Variants in NIPSNAP2 observed in about 807,000 individuals in gnomAD.
The protein encoded by NIPSNAP2 is protein NipSnap homolog 2.
Under a neutral mutation model 48.4 loss-of-function variants are expected in NIPSNAP2, and 42 were observed. The observed-to-expected ratio is 0.87, with a 90% confidence interval of 0.68 to 1.12. The LOEUF (loss-of-function observed/expected upper bound fraction) is 1.12, where lower values mean the gene tolerates loss of function less well. NIPSNAP2 is among the 50% of genes most tolerant of loss of function. The pLI, the probability that NIPSNAP2 is intolerant of heterozygous loss-of-function variation, is 0.00. For missense variants in NIPSNAP2, 314 were observed against 347.3 expected, an observed-to-expected ratio of 0.90 and a Z score of 0.76; for synonymous variants, 158 against 126.6, an observed-to-expected ratio of 1.25 and a Z score of -1.67.
At chr7:55,986,803 A>T (rs1451261412) in intron 7 of NIPSNAP2, among the ~76,000 whole-genome samples, 2 of 152,118 alleles carry the variant, frequency 1.3e-5, no homozygotes, top group Non-Finnish European at 2.9e-5. Context: ...AATTCTTACA[A>T]CTCAATAATA....
chr7:55,975,531 C>T (rs1461815206), intron 1 of NIPSNAP2, among the ~76,000 whole-genome samples: 1 of 152,078 alleles, frequency 6.6e-6, no homozygotes, highest in Non-Finnish European at 1.5e-5. Flanking sequence ...GGACAAGGAA[C>T]ACAGCAGTGG....
At chr7:55,990,891 G>T (rs577181628) in intron 7 of NIPSNAP2, among the ~76,000 whole-genome samples, 1 of 151,534 alleles carries the variant, frequency 6.6e-6, no homozygotes, top group East Asian at 1.9e-4. Flanking sequence ...GGGTTCAAGC[G>T]ATTAGCCTGC....
At chr7:55,977,370 G>A (rs537794904) in intron 1 of NIPSNAP2, among the ~76,000 whole-genome samples, 2 of 152,220 alleles carry the variant, frequency 1.3e-5, no homozygotes, top group East Asian at 1.9e-4. Flanking sequence ...CAGCTTGGGC[G>A]ATAGAGCGAG....
intron 4 of NIPSNAP2, chr7:55,981,859 G>T: frequency 2.7e-6 from 1 of 367,378 alleles, no homozygotes; most frequent in Non-Finnish European, 5.0e-6. Flanking sequence ...AGGCTGGAGT[G>T]CAGTGATGAG....
chr7:55,982,325 T>A, intron 5 of NIPSNAP2, 45 bp downstream of exon 5: 1 of 1,090,458 alleles, frequency 9.2e-7, no homozygotes, highest in Non-Finnish European at 1.4e-6. Flanking sequence ...GATATATAGA[T>A]GTTAGTACAG....
intron 3 of NIPSNAP2, chr7:55,978,893 G>A (rs372102856): frequency 6.5e-6 from 1 of 153,202 alleles, no homozygotes; most frequent in African/African-American, 2.4e-5. Context: ...AGTCCCTTCC[G>A]CTGATTCTCC....
intron 1 of NIPSNAP2, among the ~76,000 whole-genome samples, chr7:55,975,123 C>A (rs1787084082): frequency 6.6e-6 from 1 of 152,080 alleles, no homozygotes; most frequent in African/African-American, 2.4e-5. Context: ...GAGGCCAAGG[C>A]AGGAGGATCG....
intron 7 of NIPSNAP2, among the ~76,000 whole-genome samples, chr7:55,993,700 G>C (rs964081135): frequency 1.3e-5 from 2 of 151,734 alleles, no homozygotes; most frequent in Non-Finnish European, 2.9e-5. Context: ...AGATCACGCC[G>C]CTGCACTCCA....
In NIPSNAP2 at chr7:55,978,412, A is replaced by G. The variant is rs753047060; in HGVS notation, c.278+17A>G. The G allele has an allele frequency of 8.8e-6, 14 of 1,593,798 alleles. No homozygotes were observed. Among genetic ancestry groups the G allele is most frequent in the African/African-American group, 6.8e-5 (5 of 74,002 alleles). Reference sequence around the variant, plus strand: ...CAAAATTTGGTGTGTATACCAAACTATCCTTTACTTGGGGAAAAATAATGA... The same window carrying G: ...CAAAATTTGGTGTGTATACCAAACTGTCCTTTACTTGGGGAAAAATAATGA... On this transcript the variant is annotated intron_variant, in intron 3 of 9. Coordinates refer to ENST00000322090, the MANE Select transcript of NIPSNAP2 (RefSeq NM_001483.3).
At chr7:55,994,442 G>A (rs6955639) in intron 7 of NIPSNAP2, among the ~76,000 whole-genome samples, 28,166 of 152,184 alleles carry the variant, frequency 0.19, 3,118 homozygotes, top group East Asian at 0.35. Flanking sequence ...ACCAGGTGTG[G>A]TGGCTCACGC....
At chr7:55,995,978 CA>C (rs373424949) in intron 8 of NIPSNAP2, among the ~76,000 whole-genome samples, 5 of 150,122 alleles carry the variant, frequency 3.3e-5, no homozygotes, top group South Asian at 2.1e-4. Flanking sequence ...GACCCTGTCT[CA>C]AAAAAAAATG....
intron 1 of NIPSNAP2, 37 bp from the exon 2 acceptor site, chr7:55,978,089 C>G (rs775143436): frequency 5.0e-6 from 8 of 1,610,634 alleles, no homozygotes; most frequent in Non-Finnish European, 5.9e-6. Flanking sequence ...TATATGAAAA[C>G]AGTATACTGC....
At chr7:55,992,862 C>T (rs74599679) in intron 7 of NIPSNAP2, among the ~76,000 whole-genome samples, 2,385 of 152,188 alleles carry the variant, frequency 0.016, 59 homozygotes, top group African/African-American at 0.055. Context: ...TTCTGGTGAC[C>T]TCCCTATGTC....
At chr7:55,967,162 A>G (rs1042725249) in intron 1 of NIPSNAP2, among the ~76,000 whole-genome samples, 4 of 152,262 alleles carry the variant, frequency 2.6e-5, no homozygotes, top group Non-Finnish European at 5.9e-5. Flanking sequence ...ACAGGTGCTT[A>G]AAACACTGCT....
Position 55,995,323 on chromosome 7 carries a change from G to A in NIPSNAP2, c.712+335G>A, listed in dbSNP as rs80173620. 6.3e-3 allele frequency among the ~76,000 whole-genome samples: 962 copies of A among 152,228 alleles called. 12 individuals carry two copies. The highest frequency in any genetic ancestry group is 0.025 in the East Asian group (131 of 5,176). ...TTGTAGACTGACTGCTTACTTCCTC[G>A]ACAGAGGCAGGCCTGCATTTTACCC... On this transcript the variant is annotated intron_variant, in intron 8 of 9. Transcript: ENST00000322090.
intron 7 of NIPSNAP2, among the ~76,000 whole-genome samples, chr7:55,994,207 C>A (rs1453488991): frequency 6.6e-6 from 1 of 152,178 alleles, no homozygotes; most frequent in Non-Finnish European, 1.5e-5. Context: ...AGGTTTGCCT[C>A]GCTTCCCCTC....
chr7:55,981,078 CT>C (rs1787205703), intron 3 of NIPSNAP2: 1 of 152,980 alleles, frequency 6.5e-6, no homozygotes, highest in Admixed American at 6.5e-5. Context: ...CTTCTGTGTT[CT>C]TTTCTACTAT....
chr7:55,998,407 G>A (rs966670875), intron 9 of NIPSNAP2, among the ~76,000 whole-genome samples: 1 of 150,268 alleles, frequency 6.7e-6, no homozygotes, highest in Non-Finnish European at 1.5e-5. Flanking sequence ...TGCTGCTTAC[G>A]CGAACGTTTG....
intron 1 of NIPSNAP2, among the ~76,000 whole-genome samples, chr7:55,972,272 G>T (rs1225104001): frequency 6.7e-6 from 1 of 150,088 alleles, no homozygotes; most frequent in Non-Finnish European, 1.5e-5. Context: ...TGCCACTATT[G>T]CCCTCCAGCC....
Sources: allele counts gnomAD v4.1 joint callset (sites outside exome capture counted in the v4.1 genomes callset), GRCh38; gene constraint gnomAD v4.1.1; transcripts MANE v1.5; gene names NCBI Gene and HGNC (gene_info 2026-07-23, HGNC 2026-07-21).